CACUL1: variants seen among roughly 807,000 people sequenced by gnomAD.
CACUL1 encodes the protein CDK2-associated and cullin domain-containing protein 1.
A neutral mutation model predicts 45.2 loss-of-function variants in CACUL1; 13 were observed. That is an observed-to-expected ratio of 0.29 (90% CI 0.19 to 0.46). The LOEUF is 0.46. Among genes scored for constraint, CACUL1 ranks in the 20% least tolerant of loss-of-function variants. CACUL1 has a pLI of 1.00. For missense variants in CACUL1, 421 were observed against 471.4 expected (o/e 0.89, Z 0.99); for synonymous variants, 197 against 174.2 (o/e 1.13, Z -1.03).
chr10:118,738,890 C>CT (rs1845765012), intron 1 of CACUL1, among the ~76,000 whole-genome samples: 1 of 44,740 alleles, frequency 2.2e-5, no homozygotes, highest in African/African-American at 6.2e-5. Context: ...TCCAAGTGCT[C>CT]TTAAAAAAAA....
intron 3 of CACUL1, among the ~76,000 whole-genome samples, chr10:118,723,851 C>T (rs1187616497): frequency 5.9e-5 from 9 of 152,066 alleles, no homozygotes; most frequent in South Asian, 2.1e-4. Flanking sequence ...CTGCAACTTC[C>T]GCCTCCCGGG....
chr10:118,743,435 T>TTA (rs1424108009), intron 1 of CACUL1, among the ~76,000 whole-genome samples: 3 of 152,038 alleles, frequency 2.0e-5, no homozygotes, highest in Non-Finnish European at 4.4e-5. Flanking sequence ...AAGGGGCATA[T>TTA]TATATATAGA....
intron 3 of CACUL1, among the ~76,000 whole-genome samples, chr10:118,711,149 G>A (rs1455153053): frequency 2.0e-5 from 3 of 152,260 alleles, no homozygotes; most frequent in East Asian, 3.9e-4. Flanking sequence ...GCATCATCTC[G>A]GCTCACTGCA....
intron 5 of CACUL1, among the ~76,000 whole-genome samples, chr10:118,698,055 G>T (rs1845339287): frequency 6.6e-6 from 1 of 151,984 alleles, no homozygotes. Flanking sequence ...GGGCAATCAA[G>T]AACTGATTCT....
intron 1 of CACUL1, among the ~76,000 whole-genome samples, chr10:118,744,407 CA>C (rs11447464): frequency 6.6e-6 from 1 of 151,380 alleles, no homozygotes; most frequent in African/African-American, 2.4e-5. Context: ...CAAAAACAAA[CA>C]AAAAAAACAA....
rs545127151 is a variant in CACUL1 at position 118,739,239 on chromosome 10, T to C, written c.368-8829A>G. ...TGTTAAAAATACAACATCAAGGAAA[T>C]CTCCCAGAGCTTGATGAGAAAGGGG... On this transcript the variant is annotated intron_variant, in intron 1 of 8. Transcript: ENST00000369151. Among the ~76,000 whole-genome samples the C allele has an allele frequency of 2.0e-5, 3 of 149,778 alleles. No individual in the cohort carries two copies. In the East Asian group the frequency reaches 5.9e-4, roughly 29 times the overall value.
intron 1 of CACUL1, among the ~76,000 whole-genome samples, chr10:118,737,010 C>A (rs984298474): frequency 6.6e-6 from 1 of 151,850 alleles, no homozygotes; most frequent in Admixed American, 6.6e-5. Context: ...TGTAAGTATA[C>A]CCTATGATGT....
chr10:118,716,856 C>A (rs1845552077), intron 3 of CACUL1, among the ~76,000 whole-genome samples: 1 of 152,192 alleles, frequency 6.6e-6, no homozygotes, highest in African/African-American at 2.4e-5. Flanking sequence ...CCCGCCTCGG[C>A]CTCCCAAAGT....
chr10:118,700,513 T>C (rs960860314), intron 5 of CACUL1, among the ~76,000 whole-genome samples: 2 of 151,836 alleles, frequency 1.3e-5, no homozygotes, highest in Non-Finnish European at 2.9e-5. Flanking sequence ...GTCAAAAGAT[T>C]GAGACCATCC....
intron 1 of CACUL1, among the ~76,000 whole-genome samples, chr10:118,752,798 T>C (rs1425254775): frequency 1.3e-5 from 2 of 152,254 alleles, no homozygotes. Context: ...ATATTTCTTC[T>C]GATACCAATT....
intron 7 of CACUL1, chr10:118,686,854 C>T (rs1845212910): frequency 1.9e-6 from 1 of 522,790 alleles, no homozygotes; most frequent in African/African-American, 1.9e-5. Context: ...ACCAGTTCAT[C>T]CTCAAACACC....
chr10:118,695,019 A>AT, intron 6 of CACUL1, 122 bp downstream of exon 6: 1 of 654,460 alleles, frequency 1.5e-6, no homozygotes, highest in Non-Finnish European at 2.8e-6. Context: ...TATCTACTCA[A>AT]TTTTTTTGCT....
intron 3 of CACUL1, among the ~76,000 whole-genome samples, chr10:118,720,013 A>G (rs1589611626): frequency 6.6e-6 from 1 of 152,228 alleles, no homozygotes; most frequent in East Asian, 1.9e-4. Flanking sequence ...CATGGTTTTC[A>G]ATTGAAAACT....
rs552472962 is a variant in CACUL1 at position 118,696,505 on chromosome 10, G to A, written c.797-1275C>T. ...AAAAATACAAAAAAATTGGCTAGGC[G>A]TGGCGGCAGGCGCCTGTAATCCCAG... On this transcript the variant is annotated intron_variant, in intron 5 of 8. Coordinates refer to ENST00000369151, the MANE Select transcript of CACUL1 (RefSeq NM_153810.5). Among the ~76,000 whole-genome samples the A allele has an allele frequency of 2.3e-3, 353 of 152,286 alleles. 2 individuals carry two copies. Among genetic ancestry groups the A allele is most frequent in the African/African-American group, 8.0e-3 (332 of 41,562 alleles).
At position 118,686,638 on chromosome 10, in the gene CACUL1, A is replaced by C; in HGVS notation, c.1029T>G (p.Gly343=). The change falls in exon 8 of 9, where the codon GGT becomes GGG. Residue 343 remains glycine, a synonymous_variant. Coordinates refer to ENST00000369151, the MANE Select transcript of CACUL1 (RefSeq NM_153810.5). ...CCCCAGCTCTCTTCCGGGACTGGTC[A>C]CCCCTGGGGATAAGAAGAGGCAGTC... ...RELIQNGFTR[G]DQSRKRAGDE... 6.2e-7 allele frequency: 1 copy of C among 1,612,734 alleles called. No homozygotes were observed. Among genetic ancestry groups the C allele is most frequent in the Non-Finnish European group, 8.5e-7 (1 of 1,178,720 alleles).
chr10:118,716,950 G>A (rs538007335), intron 3 of CACUL1, among the ~76,000 whole-genome samples: 9 of 152,304 alleles, frequency 5.9e-5, no homozygotes, highest in Non-Finnish European at 1.0e-4. Context: ...CTGCTTAAGA[G>A]AGACTAGGTT....
At chr10:118,743,241 G>C (rs898006745) in intron 1 of CACUL1, among the ~76,000 whole-genome samples, 1 of 152,006 alleles carries the variant, frequency 6.6e-6, no homozygotes, top group Non-Finnish European at 1.5e-5. Flanking sequence ...GTGACTCATG[G>C]TACAATAACA....
At chr10:118,736,146 G>A (rs948444935) in intron 1 of CACUL1, among the ~76,000 whole-genome samples, 4 of 152,186 alleles carry the variant, frequency 2.6e-5, no homozygotes, top group Non-Finnish European at 5.9e-5. Flanking sequence ...CTGAGGAATG[G>A]AAGGGAAGCC....
chr10:118,695,737 T>A (rs1326937493), intron 5 of CACUL1, among the ~76,000 whole-genome samples: 4 of 152,230 alleles, frequency 2.6e-5, no homozygotes, highest in African/African-American at 4.8e-5. Flanking sequence ...TCTTTCTCAT[T>A]TTCATGTCTT....
Sources: allele counts gnomAD v4.1 joint callset (sites outside exome capture counted in the v4.1 genomes callset), GRCh38; gene constraint gnomAD v4.1.1; transcripts MANE v1.5; gene names NCBI Gene and HGNC (gene_info 2026-07-23, HGNC 2026-07-21).